SPAG17: variants seen among roughly 807,000 people sequenced by gnomAD.
SPAG17 encodes the protein sperm-associated antigen 17.
Under a neutral mutation model 273.6 loss-of-function variants are expected in SPAG17, and 169 were observed. The ratio of observed to expected loss-of-function variants is 0.62; its 90% CI spans 0.55 to 0.70. The LOEUF (loss-of-function observed/expected upper bound fraction) is 0.70. Ranked by LOEUF, SPAG17 falls within the 30% of genes least tolerant of loss-of-function variation. The pLI is 0.00. For missense variants in SPAG17, 2,557 were observed against 2,627.8 expected, an observed-to-expected ratio of 0.97 and a Z score of 0.59; for synonymous variants, 825 against 873.2, an observed-to-expected ratio of 0.94 and a Z score of 0.97.
intron 32 of SPAG17, among the ~76,000 whole-genome samples, chr1:117,999,449 G>A (rs1304140574): frequency 6.6e-6 from 1 of 152,174 alleles, no homozygotes. Flanking sequence ...CCCACCAACT[G>A]TAAAAGTGTT....
chr1:118,000,493 T>A (rs1658156253), intron 32 of SPAG17, among the ~76,000 whole-genome samples: 1 of 152,200 alleles, frequency 6.6e-6, no homozygotes, highest in South Asian at 2.1e-4. Flanking sequence ...TCCTTTTCTA[T>A]TTAGTTGAGC....
chr1:118,087,131 T>C (rs556068676), intron 10 of SPAG17, 123 bp from the exon 11 acceptor site: 595 of 1,073,694 alleles, frequency 5.5e-4, no homozygotes, highest in Non-Finnish European at 7.1e-4. Context: ...CAAGTACCAC[T>C]GATGACACAA....
intron 1 of SPAG17, among the ~76,000 whole-genome samples, chr1:118,154,489 A>G (rs1190439735): frequency 2.6e-5 from 4 of 152,306 alleles, no homozygotes; most frequent in Admixed American, 6.5e-5. Context: ...CCCATGTCTA[A>G]TTGGACAGCA....
intron 1 of SPAG17, among the ~76,000 whole-genome samples, chr1:118,177,162 C>G (rs569426410): frequency 1.3e-5 from 2 of 152,204 alleles, no homozygotes; most frequent in East Asian, 3.9e-4. Flanking sequence ...TGAAGAAATA[C>G]TCAAGACTGG....
chr1:118,041,768 C>T (rs1477795348), intron 21 of SPAG17, 35 bp downstream of exon 21: 6 of 1,590,750 alleles, frequency 3.8e-6, no homozygotes, highest in Non-Finnish European at 5.1e-6. Flanking sequence ...TAGGAATAGC[C>T]CAAAGAGACT....
chr1:117,977,482 T>G (rs948050973), intron 43 of SPAG17, among the ~76,000 whole-genome samples: 69 of 152,224 alleles, frequency 4.5e-4, no homozygotes, highest in African/African-American at 1.6e-3. Context: ...TCTCCAGGTT[T>G]CAGTTTCCTT....
intron 28 of SPAG17, among the ~76,000 whole-genome samples, chr1:118,016,836 T>C (rs763710472): frequency 6.6e-6 from 1 of 152,208 alleles, no homozygotes; most frequent in South Asian, 2.1e-4. Flanking sequence ...GACACCCTCA[T>C]GGAAATCCTT....
chr1:118,033,444 C>T (rs2101892530), intron 24 of SPAG17, among the ~76,000 whole-genome samples: 1 of 152,176 alleles, frequency 6.6e-6, no homozygotes, highest in East Asian at 1.9e-4. Flanking sequence ...CTAAGATCTT[C>T]CTCCCAAATT....
chr1:118,037,123 G>A (rs565984328), intron 23 of SPAG17, among the ~76,000 whole-genome samples: 5 of 152,130 alleles, frequency 3.3e-5, no homozygotes, highest in East Asian at 1.9e-4. Context: ...GAAATCAATC[G>A]GTTGATGGCA....
chr1:118,040,782 C>T lies in SPAG17; in HGVS notation c.3114G>A (p.Leu1038=). ...CAATCTGCCCCCCATCAGAAGGATA[C>T]AGGTAGTAATTTGACCCTGAGATTT... The part of the protein sequence containing the change: ...PTQISGSNYY[L]YPSDGGQIEV... The change falls in exon 22 of 49, where the codon CTG becomes CTA. Residue 1038 remains leucine (L), a synonymous_variant. Coordinates refer to ENST00000336338, the MANE Select transcript of SPAG17 (RefSeq NM_206996.4). The T allele has an allele frequency of 1.2e-6, 2 of 1,607,268 alleles. No homozygotes were observed. The highest frequency in any genetic ancestry group is 1.1e-5 in the South Asian group (1 of 90,946).
At chr1:118,032,302 T>C (rs1648568075) in intron 24 of SPAG17, among the ~76,000 whole-genome samples, 1 of 152,048 alleles carries the variant, frequency 6.6e-6, no homozygotes, top group South Asian at 2.1e-4. Flanking sequence ...TAACCAAACA[T>C]AAAGACTACT....
chr1:118,108,264 C>T (rs548589808), intron 4 of SPAG17, among the ~76,000 whole-genome samples: 12 of 152,236 alleles, frequency 7.9e-5, no homozygotes, highest in African/African-American at 2.9e-4. Flanking sequence ...CTGGTTGGCC[C>T]CTAGAATTCT....
chr1:118,103,928 C>G (rs1656234670), intron 4 of SPAG17, among the ~76,000 whole-genome samples: 2 of 150,220 alleles, frequency 1.3e-5, no homozygotes, highest in African/African-American at 4.9e-5. Context: ...GAGATGAGCC[C>G]AGCAGGGAAA....
At chr1:118,146,708 G>A (rs1659013588) in intron 3 of SPAG17, among the ~76,000 whole-genome samples, 1 of 152,124 alleles carries the variant, frequency 6.6e-6, no homozygotes, top group Non-Finnish European at 1.5e-5. Context: ...AGATTACTTG[G>A]TTGGTGATAA....
In SPAG17 at chr1:118,018,572, C is replaced by T. The variant is rs138033989; in HGVS notation, c.4070-2390G>A. 1.2e-3 allele frequency among the ~76,000 whole-genome samples: 187 copies of T among 152,042 alleles called. 3 individuals carry two copies. The East Asian group carries it at 0.031, about 26-fold the overall frequency. On this transcript the variant is annotated intron_variant, in intron 28 of 48. Coordinates refer to ENST00000336338, the MANE Select transcript of SPAG17 (RefSeq NM_206996.4). ...TATTGGCCAGGCACAGTGGCTCACA[C>T]CTATAATCTTAGCATTTTGGGAGGC...
intron 3 of SPAG17, among the ~76,000 whole-genome samples, chr1:118,149,480 T>C (rs921397743): frequency 1.3e-5 from 2 of 152,222 alleles, no homozygotes; most frequent in Non-Finnish European, 2.9e-5. Context: ...ACGTATCACA[T>C]AATGTTTCAA....
chr1:118,098,221 C>A (rs1047214291), intron 6 of SPAG17, among the ~76,000 whole-genome samples: 11 of 152,118 alleles, frequency 7.2e-5, no homozygotes, highest in African/African-American at 2.7e-4. Context: ...AACTTAGTGT[C>A]TGCTACATAA....
chr1:118,138,857 C>A (rs1257567340), intron 3 of SPAG17, among the ~76,000 whole-genome samples: 2 of 152,052 alleles, frequency 1.3e-5, no homozygotes, highest in African/African-American at 4.8e-5. Flanking sequence ...CATAAGGATA[C>A]AAAAAATGAA....
intron 32 of SPAG17, among the ~76,000 whole-genome samples, chr1:118,000,779 T>C (rs547261858): frequency 6.6e-6 from 1 of 152,318 alleles, no homozygotes; most frequent in South Asian, 2.1e-4. Context: ...AGGGACAATT[T>C]GACTTCCTCT....
Sources: gnomAD v4.1 joint callset for allele counts (sites outside exome capture counted in the v4.1 genomes callset) on GRCh38, gnomAD v4.1.1 for gene constraint, MANE v1.5 for transcripts, NCBI Gene and HGNC (gene_info 2026-07-23, HGNC 2026-07-21) for gene names.